The following SNRNP48 variants were observed in gnomAD, a reference collection of about 807,000 sequenced individuals.
SNRNP48 encodes small nuclear ribonucleoprotein U11/U12 subunit 48.
In SNRNP48, 43 loss-of-function variants were observed where a neutral mutation model predicts 47.0. The observed-to-expected ratio is 0.92, with a 90% CI of 0.72 to 1.18. The LOEUF (loss-of-function observed/expected upper bound fraction) is 1.18. SNRNP48 is among the 50% of genes most tolerant of loss of function. The pLI is 0.00. For missense variants in SNRNP48, 396 were observed against 422.2 expected (o/e 0.94, Z 0.54); for synonymous variants, 138 against 144.0 (o/e 0.96, Z 0.30).
chr6:7,603,720 A>C (rs762110941), intron 6 of SNRNP48, among the ~76,000 whole-genome samples: 1 of 152,152 alleles, frequency 6.6e-6, no homozygotes, highest in Non-Finnish European at 1.5e-5. Context: ...CTTAGCTCTA[A>C]ATTTTATGCT....
Position 7,590,303 on chromosome 6 carries a change from G to T in SNRNP48, c.46G>T (p.Glu16Ter). 7.2e-7 allele frequency: 1 copy of T among 1,383,896 alleles called. No individual in the cohort carries two copies. Among genetic ancestry groups the T allele is most frequent in the South Asian group, 1.9e-5 (1 of 51,524 alleles). The allele number at this position is 1,383,896 out of a possible 1,614,324, so 85.7% of individuals were successfully genotyped here. A position where few individuals can be genotyped will look rare whatever the true frequency, so the allele number is the denominator to read the frequency against. Residue 16 changes from glutamate (E) to a stop codon, truncating the protein, a stop_gained, in exon 1 of 9, where the codon GAG becomes TAG. Transcript: ENST00000342415. LOFTEE classifies it high-confidence loss of function. ...PPVEERRRLQ[E>*]ELNEFVESGC... is the part of the protein sequence containing the mutation. ...TGTGGAGGAGCGGCGGCGGCTGCAG[G>T]AGGAGCTGAACGAGTTCGTGGAGAG...
At chr6:7,608,690 A>G (rs1389143545) in intron 8 of SNRNP48, 135 bp from the exon 9 acceptor site, 1 of 396,398 alleles carries the variant, frequency 2.5e-6, no homozygotes, top group African/African-American at 2.1e-5. Context: ...TGATAACCAG[A>G]AAATTCTTTT....
rs765563341 is a variant in SNRNP48, at chr6:7,606,236, T to A, written c.971+41T>A. The A allele has an allele frequency of 2.0e-6, 3 of 1,538,158 alleles. No homozygotes were observed. The South Asian group carries it at 3.8e-5, about 20-fold the overall frequency. ...CATCATCCAACGTTGAATTCTGTAC[T>A]TTTTAAAAATAGAACAGGTTCTTCT... On this transcript the variant is annotated intron_variant, in intron 8 of 8. Coordinates refer to ENST00000342415, the MANE Select transcript of SNRNP48 (RefSeq NM_152551.4).
At chr6:7,608,111 C>T (rs1296044725) in intron 8 of SNRNP48, among the ~76,000 whole-genome samples, 1 of 152,278 alleles carries the variant, frequency 6.6e-6, no homozygotes, top group South Asian at 2.1e-4. Flanking sequence ...GTAAGAAATA[C>T]TTCTCAACAG....
intron 8 of SNRNP48, among the ~76,000 whole-genome samples, chr6:7,608,472 T>C (rs1285182616): frequency 6.6e-6 from 1 of 152,084 alleles, no homozygotes; most frequent in Non-Finnish European, 1.5e-5. Context: ...AGGAATCGCT[T>C]GAATCCGGGA....
chr6:7,593,588 A>G, intron 1 of SNRNP48, 146 bp from the exon 2 acceptor site: 1 of 442,040 alleles, frequency 2.3e-6, no homozygotes. Context: ...TTTCTTTAAT[A>G]CACAACTACA....
intron 4 of SNRNP48, chr6:7,599,687 A>T: frequency 7.8e-7 from 1 of 1,285,020 alleles, no homozygotes; most frequent in African/African-American, 1.5e-5. Flanking sequence ...TGGGGTGAGT[A>T]TAAAGAGGAA....
intron 4 of SNRNP48, among the ~76,000 whole-genome samples, chr6:7,597,617 AAAGTAATATT>A (rs1326267234): frequency 6.6e-6 from 1 of 152,184 alleles, no homozygotes; most frequent in African/African-American, 2.4e-5. Context: ...TAATATACAG[AAAGTAATATT>A]AAGATAATGA....
chr6:7,603,973 C>CT (rs1053920683), intron 6 of SNRNP48, among the ~76,000 whole-genome samples: 1 of 152,096 alleles, frequency 6.6e-6, no homozygotes, highest in African/African-American at 2.4e-5. Flanking sequence ...ATAGCATCGT[C>CT]TAAGGAATGT....
At chr6:7,598,041 AT>A (rs935468018) in intron 4 of SNRNP48, among the ~76,000 whole-genome samples, 55 of 150,800 alleles carry the variant, frequency 3.6e-4, no homozygotes, top group Admixed American at 3.2e-3. Context: ...ATTTTCTTGT[AT>A]TTTTTTAGTA....
intron 1 of SNRNP48, among the ~76,000 whole-genome samples, chr6:7,593,221 A>G (rs538304851): frequency 2.0e-5 from 3 of 152,064 alleles, no homozygotes; most frequent in African/African-American, 4.8e-5. Context: ...AAGGGGGACA[A>G]ATAGAGCAAG....
chr6:7,596,623 C>G (rs2113716110), intron 4 of SNRNP48, among the ~76,000 whole-genome samples: 1 of 152,330 alleles, frequency 6.6e-6, no homozygotes, highest in Non-Finnish European at 1.5e-5. Context: ...CATGGGTTCT[C>G]TACAACAGCC....
chr6:7,598,874 G>C (rs1309462745), intron 4 of SNRNP48, among the ~76,000 whole-genome samples: 1 of 151,992 alleles, frequency 6.6e-6, no homozygotes, highest in Non-Finnish European at 1.5e-5. Context: ...TAGTTACTTC[G>C]GTTAATTTTT....
At chr6:7,594,311 A>G in intron 3 of SNRNP48, 152 bp downstream of exon 3, 2 of 428,278 alleles carry the variant, frequency 4.7e-6, no homozygotes, top group Non-Finnish European at 8.4e-6. Flanking sequence ...TGTACAAGGC[A>G]ACTAATTCAC....
Position 7,590,307 on chromosome 6 carries a change from A to T in SNRNP48, c.50A>T (p.Glu17Val), listed in dbSNP as rs763844561. Residue 17 changes from glutamate to valine, a missense_variant, in exon 1 of 9, where the codon GAG (glutamate) becomes GTG (valine). Glu to Val is a moderately radical substitution (Grantham distance 121). Coordinates refer to ENST00000342415, the MANE Select transcript of SNRNP48 (RefSeq NM_152551.4). ...PVEERRRLQE[E>V]LNEFVESGCR... ...GAGGAGCGGCGGCGGCTGCAGGAGG[A>T]GCTGAACGAGTTCGTGGAGAGCGGC... The T allele has an allele frequency of 1.0e-5, 14 of 1,393,844 alleles. No homozygotes were observed. Among genetic ancestry groups the T allele is most frequent in the Admixed American group, 9.7e-5 (4 of 41,186 alleles). 86.3% of individuals were successfully genotyped at this position (1,393,844 alleles called of 1,614,324 possible). A position where few individuals can be genotyped will look rare whatever the true frequency, so the allele number is the denominator to read the frequency against.
Position 7,608,820 on chromosome 6 carries a change from T to G in SNRNP48, c.972-5T>G, listed in dbSNP as rs1248217100. On this transcript the variant is annotated splice_region_variant and splice_polypyrimidine_tract_variant and intron_variant, in intron 8 of 8. Transcript: ENST00000342415. ...AACCATTTTTTTATACCTCTTTTATTTCAGGGATGGGGAAAGACACCATAG... is the reference window on the plus strand; with the variant it reads ...AACCATTTTTTTATACCTCTTTTATGTCAGGGATGGGGAAAGACACCATAG... 6.7e-7 allele frequency: 1 copy of G among 1,488,318 alleles called. No individual in the cohort carries two copies. Among genetic ancestry groups the G allele is most frequent in the Non-Finnish European group, 9.1e-7 (1 of 1,098,014 alleles). The allele number at this position is 1,488,318 out of a possible 1,614,324, so 92.2% of individuals were successfully genotyped here.
chr6:7,602,130 A>G (rs1020272004), intron 5 of SNRNP48, among the ~76,000 whole-genome samples: 1 of 152,186 alleles, frequency 6.6e-6, no homozygotes, highest in African/African-American at 2.4e-5. Context: ...CTGGGATTAC[A>G]ACGTGAGCCA....
At chr6:7,597,538 A>G (rs957017637) in intron 4 of SNRNP48, among the ~76,000 whole-genome samples, 40 of 152,200 alleles carry the variant, frequency 2.6e-4, no homozygotes, top group African/African-American at 9.6e-4. Flanking sequence ...GTTGAGAGGA[A>G]CAGAGATAAT....
At chr6:7,608,519 C>T (rs988899093) in intron 8 of SNRNP48, among the ~76,000 whole-genome samples, 2 of 151,990 alleles carry the variant, frequency 1.3e-5, no homozygotes, top group East Asian at 3.9e-4. Context: ...GTGCCATTTG[C>T]GCTCCAGCCT....
Sources: gnomAD v4.1 joint callset for allele counts (sites outside exome capture counted in the v4.1 genomes callset) on GRCh38, gnomAD v4.1.1 for gene constraint, MANE v1.5 for transcripts, NCBI Gene and HGNC (gene_info 2026-07-23, HGNC 2026-07-21) for gene names.